Variants in MAD2L1BP observed in about 807,000 individuals in gnomAD.
The protein encoded by MAD2L1BP is MAD2L1 binding protein.
A neutral mutation model predicts 28.4 loss-of-function variants in MAD2L1BP; 22 were observed. The ratio of observed to expected loss-of-function variants is 0.77; its 90% confidence interval spans 0.55 to 1.10. MAD2L1BP has a LOEUF of 1.10. MAD2L1BP is among the 50% of genes least tolerant of loss of function. The probability of loss-of-function intolerance (pLI) is 0.00; values close to 1 mark genes in which losing one functional copy is unlikely to be tolerated. For synonymous variants in MAD2L1BP, 146 were observed against 133.7 expected, an observed-to-expected ratio of 1.09 and a Z score of -0.63; for missense variants, 325 against 350.5, an observed-to-expected ratio of 0.93 and a Z score of 0.58.
Position 43,636,418 on chromosome 6 carries a change from C to G in MAD2L1BP, c.84C>G (p.Ala28=), listed in dbSNP as rs1399312793. The change falls in exon 2 of 3, where the codon GCC becomes GCG. Residue 28 remains alanine, a synonymous_variant. Transcript: ENST00000372171. ...EWYEKSEETH[A]SQIELLETSS... is the part of the protein sequence containing the mutation. ...ATGAGAAGTCCGAAGAAACTCACGC[C>G]TCCCAGATAGAACTACTTGAGACAA... 11 of 1,614,166 alleles carry G rather than the reference C, an allele frequency of 6.8e-6. No homozygotes were observed. The highest frequency in any genetic ancestry group is 9.3e-6 in the Non-Finnish European group (11 of 1,180,032).
intron 2 of MAD2L1BP, among the ~76,000 whole-genome samples, chr6:43,637,684 C>T (rs1005793996): frequency 2.0e-5 from 3 of 152,124 alleles, no homozygotes; most frequent in South Asian, 2.1e-4. Context: ...CTGCAACCTC[C>T]GCCTCCCAGG....
chr6:43,638,743 C>T (rs905126520), intron 2 of MAD2L1BP, among the ~76,000 whole-genome samples: 1 of 151,830 alleles, frequency 6.6e-6, no homozygotes, highest in African/African-American at 2.4e-5. Flanking sequence ...TTGCAGTGAG[C>T]CGAGATTGCG....
chr6:43,639,948 G>T, intron 2 of MAD2L1BP, 73 bp from the exon 3 acceptor site: 1 of 1,388,998 alleles, frequency 7.2e-7, no homozygotes, highest in East Asian at 2.4e-5. Context: ...ACACATCCCA[G>T]CAGGGTTCTT....
chr6:43,634,698 T>C (rs1355789277), upstream of MAD2L1BP, among the ~76,000 whole-genome samples: 1 of 152,132 alleles, frequency 6.6e-6, no homozygotes, highest in East Asian at 1.9e-4. Context: ...GTAGCTGGGA[T>C]TACAGGTGCA....
At chr6:43,630,928 A>G (rs566830207), upstream of MAD2L1BP, among the ~76,000 whole-genome samples, 800 of 151,016 alleles carry the variant, frequency 5.3e-3, 4 homozygotes, top group Middle Eastern at 0.01. Context: ...AAAAAAAAAA[A>G]AAAGAAAGAA....
In MAD2L1BP at chr6:43,640,411, C is replaced by T; in HGVS notation, c.703C>T (p.Pro235Ser). Residue 235 changes from proline to serine, a missense_variant, in exon 3 of 3, where the codon CCC (proline) becomes TCC (serine). Transcript: ENST00000372171. ...WFRPKLNYRV[P>S]SRGHKLTVTL... ...TCGACCCAAGCTCAACTATCGAGTG[C>T]CCAGCCGGGGCCATAAACTGACTGT... 6.2e-7 allele frequency: 1 copy of T among 1,613,914 alleles called. No homozygotes were observed. Among genetic ancestry groups the T allele is most frequent in the Non-Finnish European group, 8.5e-7 (1 of 1,180,010 alleles).
In MAD2L1BP at chr6:43,640,092, G is replaced by A. The variant is rs749170340; in HGVS notation, c.384G>A (p.Leu128=). ...EVSSRKCQQA[L]AELESVLSHL... is the part of the protein sequence containing the mutation. ...GCAGCAGGAAATGCCAACAAGCCCT[G>A]GCAGAACTGGAGAGTGTCCTCAGCC... Residue 128 remains leucine, a synonymous_variant, in exon 3 of 3, where the codon CTG becomes CTA. Coordinates refer to ENST00000372171, the MANE Select transcript of MAD2L1BP (RefSeq NM_014628.3). 2.3e-5 allele frequency: 36 copies of A among 1,595,098 alleles called. No individual in the cohort carries two copies. The highest frequency in any genetic ancestry group is 1.2e-4 in the Admixed American group (7 of 58,688).
intron 2 of MAD2L1BP, chr6:43,636,946 C>T: frequency 3.9e-6 from 1 of 258,598 alleles, no homozygotes; most frequent in Admixed American, 5.0e-5. Flanking sequence ...GGCGAGATCT[C>T]AGCTCACTGC....
At position 43,636,440 on chromosome 6, in the gene MAD2L1BP, A is replaced by G; in HGVS notation, c.106A>G (p.Thr36Ala). ...CGCCTCCCAGATAGAACTACTTGAG[A>G]CAAGCTCTACGCAGGAACCTCTCAA... ...THASQIELLE[T>A]SSTQEPLNAS... Residue 36 changes from threonine to alanine, a missense_variant, in exon 2 of 3, where the codon ACA becomes GCA. Thr to Ala is a moderately conservative substitution (Grantham distance 58, BLOSUM62 0). Transcript: ENST00000372171. The G allele has an allele frequency of 6.2e-7, 1 of 1,614,176 alleles. No homozygotes were observed. Among genetic ancestry groups the G allele is most frequent in the Non-Finnish European group, 8.5e-7 (1 of 1,180,020 alleles).
upstream of MAD2L1BP, chr6:43,635,832 AG>A: frequency 6.9e-7 from 1 of 1,442,044 alleles, no homozygotes; most frequent in Non-Finnish European, 9.1e-7. Flanking sequence ...ATGCCCCGCG[AG>A]ACCTTTATTC....
chr6:43,638,285 A>G (rs1162020295), intron 2 of MAD2L1BP, among the ~76,000 whole-genome samples: 17 of 150,222 alleles, frequency 1.1e-4, no homozygotes, highest in African/African-American at 3.7e-4. Context: ...CAGGTTATCC[A>G]CCTGCCTCAG....
Position 43,636,402 on chromosome 6 carries a change from C to A in MAD2L1BP, c.68C>A (p.Ser23Tyr). 1.2e-6 allele frequency: 2 copies of A among 1,614,106 alleles called. No homozygotes were observed. The highest frequency in any genetic ancestry group is 1.7e-6 in the Non-Finnish European group (2 of 1,180,024). ...CCAGATTTGGAGTGGTATGAGAAGTCCGAAGAAACTCACGCCTCCCAGATA... is the reference window on the plus strand; with the variant it reads ...CCAGATTTGGAGTGGTATGAGAAGTACGAAGAAACTCACGCCTCCCAGATA... ...AVPDLEWYEK[S>Y]EETHASQIEL... The change falls in exon 2 of 3, where the codon TCC (serine) becomes TAC (tyrosine). Residue 23 changes from serine to tyrosine, a missense_variant. Ser to Tyr is a moderately radical substitution (Grantham distance 144). Coordinates refer to ENST00000372171, the MANE Select transcript of MAD2L1BP (RefSeq NM_014628.3).
chr6:43,640,417 C>A lies in MAD2L1BP; in HGVS notation c.709C>A (p.Arg237=). 1 of 1,613,964 alleles carries A rather than the reference C, an allele frequency of 6.2e-7. No individual in the cohort carries two copies. The highest frequency in any genetic ancestry group is 8.5e-7 in the Non-Finnish European group (1 of 1,180,028). The change falls in exon 3 of 3, where the codon CGG becomes AGG. Residue 237 remains arginine (R), a synonymous_variant. Coordinates refer to ENST00000372171, the MANE Select transcript of MAD2L1BP (RefSeq NM_014628.3). ...CAAGCTCAACTATCGAGTGCCCAGCCGGGGCCATAAACTGACTGTGACCCT... is the reference window on the plus strand; with the variant it reads ...CAAGCTCAACTATCGAGTGCCCAGCAGGGGCCATAAACTGACTGTGACCCT... ...RPKLNYRVPS[R]GHKLTVTLSC...
At position 43,640,778 on chromosome 6, in the gene MAD2L1BP, G is replaced by T; in HGVS notation, c.*245G>T. On this transcript the variant is annotated 3_prime_UTR_variant, in exon 3 of 3. Coordinates refer to ENST00000372171, the MANE Select transcript of MAD2L1BP (RefSeq NM_014628.3). ...GGTTGATTTTCCCAGAGGGTGCTGG[G>T]TCAGGCATTTCTATTAGGAGTTGGA... is the stretch of plus-strand genomic sequence containing the variant. The T allele has an allele frequency of 2.1e-6, 1 of 471,730 alleles. No individual in the cohort carries two copies. 29.2% of individuals were successfully genotyped at this position (471,730 alleles called of 1,614,324 possible). A position where few individuals can be genotyped will look rare whatever the true frequency, so the allele number is the denominator to read the frequency against.
upstream of MAD2L1BP, among the ~76,000 whole-genome samples, chr6:43,634,654 G>A (rs1257270088): frequency 2.0e-5 from 3 of 151,916 alleles, no homozygotes; most frequent in Non-Finnish European, 4.4e-5. Context: ...TCCGCCTCCC[G>A]GCTTCAAGCG....
chr6:43,638,948 G>T (rs942955454), intron 2 of MAD2L1BP, among the ~76,000 whole-genome samples: 1 of 152,094 alleles, frequency 6.6e-6, no homozygotes, highest in Non-Finnish European at 1.5e-5. Flanking sequence ...GAGAAATTTG[G>T]CAGATGATCT....
At chr6:43,632,537 G>C (rs1769983390), upstream of MAD2L1BP, among the ~76,000 whole-genome samples, 1 of 151,980 alleles carries the variant, frequency 6.6e-6, no homozygotes, top group African/African-American at 2.4e-5. Flanking sequence ...GGGATTACAG[G>C]CGTGAGCCAC....
chr6:43,630,421 C>T (rs758620894), intron 1 of MAD2L1BP, among the ~76,000 whole-genome samples: 16 of 152,214 alleles, frequency 1.1e-4, no homozygotes, highest in Non-Finnish European at 2.2e-4. Flanking sequence ...TCTCGAACTG[C>T]GAGGTGCTCA....
chr6:43,640,138 C>T lies in MAD2L1BP; in HGVS notation c.430C>T (p.Arg144Trp), dbSNP rs760222417. Residue 144 changes from arginine to tryptophan, a missense_variant, in exon 3 of 3, where the codon CGG becomes TGG. Coordinates refer to ENST00000372171, the MANE Select transcript of MAD2L1BP (RefSeq NM_014628.3). ...VLSHLEDFFA[R>W]TLVPRVLILL... ...CAGCCACCTGGAGGACTTCTTTGCA[C>T]GGACACTAGTACCGCGAGTGCTGAT... 27 of 1,611,486 alleles carry T rather than the reference C, an allele frequency of 1.7e-5. No individual in the cohort carries two copies. Among genetic ancestry groups the T allele is most frequent in the South Asian group, 2.2e-5 (2 of 90,864 alleles).
Sources: allele counts gnomAD v4.1 joint callset (sites outside exome capture counted in the v4.1 genomes callset), GRCh38; gene constraint gnomAD v4.1.1; transcripts MANE v1.5; gene names NCBI Gene and HGNC (gene_info 2026-07-23, HGNC 2026-07-21).